IL16: variants seen among roughly 807,000 people sequenced by gnomAD.
IL16 encodes the protein interleukin 16, also known as pro-interleukin-16.
Under a neutral mutation model 110.1 loss-of-function variants are expected in IL16, and 67 were observed. The ratio of observed to expected loss-of-function variants is 0.61; its 90% CI spans 0.50 to 0.75. The LOEUF (loss-of-function observed/expected upper bound fraction) is 0.75, where lower values mean the gene tolerates loss of function less well. IL16 is among the 30% of genes least tolerant of loss of function. The pLI is 0.00. For synonymous variants in IL16, 689 were observed against 662.9 expected (o/e 1.04, Z -0.61); for missense variants, 1,545 against 1,655.0 (o/e 0.93, Z 1.15).
At position 81,273,015 on chromosome 15, in the gene IL16, G is replaced by T. The variant is rs532136969; in HGVS notation, c.676-75G>T. On this transcript the variant is annotated intron_variant, in intron 5 of 18. Coordinates refer to ENST00000683961, the MANE Select transcript of IL16 (RefSeq NM_172217.5). Reference sequence around the variant, plus strand: ...ATCCCTTTGTTCAGGGCTGAGGCAGGCCCTCAGAAGGCATCAGGCCAATGA... The same window carrying T: ...ATCCCTTTGTTCAGGGCTGAGGCAGTCCCTCAGAAGGCATCAGGCCAATGA... 1.6e-5 allele frequency: 18 copies of T among 1,159,488 alleles called. No homozygotes were observed. In the South Asian group the frequency reaches 2.0e-4, roughly 13 times the overall value. 71.8% of individuals were successfully genotyped at this position (1,159,488 alleles called of 1,614,324 possible).
intron 1 of IL16, among the ~76,000 whole-genome samples, chr15:81,187,418 A>G (rs768726143): frequency 6.6e-6 from 1 of 152,152 alleles, no homozygotes; most frequent in Non-Finnish European, 1.5e-5. Context: ...GCAACATAGC[A>G]AGACCCCATC....
chr15:81,288,609 G>A (rs1212241760), intron 10 of IL16, among the ~76,000 whole-genome samples: 1 of 152,118 alleles, frequency 6.6e-6, no homozygotes, highest in African/African-American at 2.4e-5. Flanking sequence ...AGTTAAACAA[G>A]TCCCTATGTT....
chr15:81,193,502 G>T (rs1460825845), upstream of IL16, among the ~76,000 whole-genome samples: 1 of 152,102 alleles, frequency 6.6e-6, no homozygotes, highest in African/African-American at 2.4e-5. Context: ...TGTCGTGATT[G>T]TAAGTATCTT....
intron 2 of IL16, among the ~76,000 whole-genome samples, chr15:81,231,599 G>C (rs7166169): frequency 0.35 from 53,759 of 151,910 alleles, 13,195 homozygotes; most frequent in African/African-American, 0.7. Context: ...TCTCAAACTT[G>C]TGCATTCCAG....
intron 1 of IL16, among the ~76,000 whole-genome samples, chr15:81,208,707 G>A (rs1595948541): frequency 6.6e-6 from 1 of 152,194 alleles, no homozygotes; most frequent in East Asian, 1.9e-4. Flanking sequence ...GAGGAAGGTA[G>A]TAGAATATGT....
chr15:81,191,529 A>C (rs2141922490), intron 1 of IL16, among the ~76,000 whole-genome samples: 1 of 152,348 alleles, frequency 6.6e-6, no homozygotes, highest in African/African-American at 2.4e-5. Context: ...CACAGTGAAC[A>C]GGCTGATGAG....
chr15:81,216,723 G>A (rs1248730445), intron 1 of IL16, among the ~76,000 whole-genome samples: 1 of 152,080 alleles, frequency 6.6e-6, no homozygotes, highest in African/African-American at 2.4e-5. Context: ...CATTCATGAG[G>A]ACCTCCTATG....
At chr15:81,224,245 A>G (rs940220736) in intron 1 of IL16, among the ~76,000 whole-genome samples, 1 of 152,230 alleles carries the variant, frequency 6.6e-6, no homozygotes, top group East Asian at 1.9e-4. Flanking sequence ...GCTATTCCTT[A>G]TTCAATACTG....
At chr15:81,205,534 T>G (rs1414403030) in intron 1 of IL16, among the ~76,000 whole-genome samples, 1 of 152,002 alleles carries the variant, frequency 6.6e-6, no homozygotes, top group Non-Finnish European at 1.5e-5. Context: ...AAACCTATGA[T>G]TCATTAAGAA....
At chr15:81,251,073 T>C (rs2142145971) in intron 2 of IL16, among the ~76,000 whole-genome samples, 1 of 152,314 alleles carries the variant, frequency 6.6e-6, no homozygotes, top group Non-Finnish European at 1.5e-5. Context: ...AAAACTATGG[T>C]ACAGCTTTTA....
At position 81,231,324 on chromosome 15, in the gene IL16, G is replaced by GTCTCTCTCTCTCTCTC. The variant is rs532872365; in HGVS notation, c.312+5656_312+5671dup. On this transcript the variant is annotated intron_variant, in intron 2 of 18. Coordinates refer to ENST00000683961, the MANE Select transcript of IL16 (RefSeq NM_172217.5). ...GGGGAGATCTACCCAAGGTCGGTCT[G>GTCTCTCTCTCTCTCTC]TCTCTCTCTCTCTCTCTCTCTCTCT... Among the ~76,000 whole-genome samples the GTCTCTCTCTCTCTCTC allele has an allele frequency of 5.7e-4, 27 of 47,142 alleles. 1 individual carries two copies. Among genetic ancestry groups the GTCTCTCTCTCTCTCTC allele is most frequent in the Non-Finnish European group, 6.3e-4 (15 of 23,724 alleles). The allele number at this position is 47,142 out of a possible 152,430, so 30.9% of individuals were successfully genotyped here. A position where few individuals can be genotyped will look rare whatever the true frequency, so the allele number is the denominator to read the frequency against.
chr15:81,290,524 T>C lies in IL16; in HGVS notation c.1404T>C (p.His468=). 6.2e-7 allele frequency: 1 copy of C among 1,611,668 alleles called. No homozygotes were observed. ...VENTKFGKER[H]QWSLEGVKRL... ...ACACCAAGTTTGGAAAGGAGAGGCA[T>C]CAGTGGAGTCTGGAAGGTAAGACAA... The change falls in exon 11 of 19, where the codon CAT becomes CAC. Residue 468 remains histidine, a synonymous_variant. Coordinates refer to ENST00000683961, the MANE Select transcript of IL16 (RefSeq NM_172217.5).
chr15:81,296,837 C>A, intron 12 of IL16, 91 bp from the exon 13 acceptor site: 1 of 1,163,848 alleles, frequency 8.6e-7, no homozygotes, highest in Non-Finnish European at 1.2e-6. Flanking sequence ...AGCTCAATAT[C>A]CGTTTTTCCG....
At chr15:81,183,773 G>A (rs1047822642) in intron 1 of IL16, among the ~76,000 whole-genome samples, 2 of 152,172 alleles carry the variant, frequency 1.3e-5, no homozygotes, top group Non-Finnish European at 2.9e-5. Flanking sequence ...CATGGGGCGT[G>A]GCCACCTGGG....
In IL16 at chr15:81,313,609, ACAGCCT is replaced by A; in HGVS notation, c.*4813_*4818del. 7.7e-6 allele frequency: 3 copies of A among 390,902 alleles called. No homozygotes were observed. Among genetic ancestry groups the A allele is most frequent in the Non-Finnish European group, 1.3e-5 (3 of 225,522 alleles). 24.2% of individuals were successfully genotyped at this position (390,902 alleles called of 1,614,324 possible). A position where few individuals can be genotyped will look rare whatever the true frequency, so the allele number is the denominator to read the frequency against. On this transcript the variant is annotated 3_prime_UTR_variant, in exon 19 of 19. Coordinates refer to ENST00000683961, the MANE Select transcript of IL16 (RefSeq NM_172217.5). ...ACCCATCCTGTCGGGGATGCATTCCACAGCCTCTCCCGGCCTCCAGGGAGGAAGAAG... is the reference window on the plus strand; with the variant it reads ...ACCCATCCTGTCGGGGATGCATTCCACTCCCGGCCTCCAGGGAGGAAGAAG...
At chr15:81,299,202 G>T (rs1045480829) in intron 13 of IL16, 178 bp from the exon 14 acceptor site, 19 of 951,730 alleles carry the variant, frequency 2.0e-5, no homozygotes, top group Non-Finnish European at 2.7e-5. Flanking sequence ...CTTCACTCCT[G>T]CCTGTTGGCA....
chr15:81,299,288 C>A, intron 13 of IL16, 92 bp from the exon 14 acceptor site: 1 of 1,596,838 alleles, frequency 6.3e-7, no homozygotes, highest in South Asian at 1.1e-5. Context: ...CCTCTTGAAT[C>A]CTTCTTGCTG....
chr15:81,269,404 G>A, intron 4 of IL16, 134 bp from the exon 5 acceptor site: 1 of 680,342 alleles, frequency 1.5e-6, no homozygotes, highest in Non-Finnish European at 2.7e-6. Flanking sequence ...CCACATTCTG[G>A]TTGTTACGCT....
In IL16 at chr15:81,313,044, T is replaced by C; in HGVS notation, c.*4246T>C. The C allele has an allele frequency of 2.3e-6, 1 of 426,800 alleles. No individual in the cohort carries two copies. The highest frequency in any genetic ancestry group is 4.7e-5 in the South Asian group (1 of 21,208). The allele number at this position is 426,800 out of a possible 1,614,324, so 26.4% of individuals were successfully genotyped here. ...ACAGGCAGATGGAGTTTGGAACACATGAATGGCTCATCACACGCCAACCCT... is the reference window on the plus strand; with the variant it reads ...ACAGGCAGATGGAGTTTGGAACACACGAATGGCTCATCACACGCCAACCCT... On this transcript the variant is annotated 3_prime_UTR_variant, in exon 19 of 19. Coordinates refer to ENST00000683961, the MANE Select transcript of IL16 (RefSeq NM_172217.5).
Sources: gnomAD v4.1 joint callset for allele counts (sites outside exome capture counted in the v4.1 genomes callset) on GRCh38, gnomAD v4.1.1 for gene constraint, MANE v1.5 for transcripts, NCBI Gene and HGNC (gene_info 2026-07-23, HGNC 2026-07-21) for gene names.